The following GCC2 variants were observed in gnomAD, a reference collection of about 807,000 sequenced individuals.
The protein encoded by GCC2 is GRIP and coiled-coil domain containing 2.
In GCC2, 120 loss-of-function variants were observed where a neutral mutation model predicts 210.6. The observed-to-expected ratio is 0.57, with a 90% CI of 0.49 to 0.66. GCC2 has a LOEUF of 0.66. Ranked by LOEUF, GCC2 falls within the 30% of genes least tolerant of loss-of-function variation. The pLI, the probability that GCC2 is intolerant of heterozygous loss-of-function variation, is 0.00. For missense variants in GCC2, 1,868 were observed against 1,871.9 expected (o/e 1.00, Z 0.04); for synonymous variants, 703 against 652.7 (o/e 1.08, Z -1.17).
intron 12 of GCC2, 35 bp downstream of exon 12, chr2:108,483,201 T>C (rs751238341): frequency 7.0e-6 from 7 of 994,724 alleles, no homozygotes; most frequent in African/African-American, 4.8e-5. Context: ...ATTGATGTAA[T>C]ATTCACATTG....
chr2:108,478,116 T>G lies in GCC2; in HGVS notation c.3060+2266T>G, dbSNP rs1013901019. ...GAAGAAATTAATAGATTATAGGGTCTCTTAAAATGTAAAGAAGCAAGTTCC... is the reference window on the plus strand; with the variant it reads ...GAAGAAATTAATAGATTATAGGGTCGCTTAAAATGTAAAGAAGCAAGTTCC... On this transcript the variant is annotated intron_variant, in intron 9 of 22. Coordinates refer to ENST00000309863, the MANE Select transcript of GCC2 (RefSeq NM_181453.4). Among the ~76,000 whole-genome samples the G allele has an allele frequency of 9.2e-5, 14 of 152,324 alleles. No homozygotes were observed. The South Asian group carries it at 2.9e-3, about 32-fold the overall frequency.
chr2:108,482,341 C>T lies in GCC2; in HGVS notation c.3235C>T (p.Gln1079Ter). The change falls in exon 11 of 23, where the codon CAG becomes TAG. Residue 1079 changes from glutamine to a stop codon, truncating the protein, a stop_gained. Transcript: ENST00000309863. LOFTEE classifies it high-confidence loss of function. ...TCTCCTGGCTCGTATTGAGACATTA[C>T]AGTCTAATGCCAAATTATTAGAAGT... ...EDLLARIETL[Q>*]SNAKLLEVQI... is the part of the protein sequence containing the mutation. 6.3e-7 allele frequency: 1 copy of T among 1,576,770 alleles called. No individual in the cohort carries two copies. The highest frequency in any genetic ancestry group is 8.7e-7 in the Non-Finnish European group (1 of 1,147,040).
chr2:108,472,016 A>G lies in GCC2; in HGVS notation c.2687A>G (p.Asn896Ser). 4 of 1,596,540 alleles carry G rather than the reference A, an allele frequency of 2.5e-6. No individual in the cohort carries two copies. Among genetic ancestry groups the G allele is most frequent in the Non-Finnish European group, 2.6e-6 (3 of 1,174,680 alleles). ...ACATGTAGCAAAAGTGAAATCCATA[A>G]TGAAAAAGAAAAATGTTTTATAAAG... ...SQTCSKSEIH[N>S]EKEKCFIKEH... The change falls in exon 6 of 23, where the codon AAT (asparagine) becomes AGT (serine). Residue 896 changes from asparagine (N) to serine (S), a missense_variant. Physicochemically the swap from Asn to Ser is conservative, Grantham distance 46 (BLOSUM62 1). Coordinates refer to ENST00000309863, the MANE Select transcript of GCC2 (RefSeq NM_181453.4).
At chr2:108,494,616 A>C (rs2104502250) in intron 19 of GCC2, 1 of 152,314 alleles carries the variant, frequency 6.6e-6, no homozygotes, top group African/African-American at 2.4e-5. Context: ...CCTAATCCTG[A>C]AAAATTGCTA....
At chr2:108,450,125 G>A (rs774945522) in intron 2 of GCC2, 50 of 156,144 alleles carry the variant, frequency 3.2e-4, no homozygotes, top group Non-Finnish European at 6.1e-4. Context: ...TTATTGCTAA[G>A]GTTTATTGTG....
At chr2:108,480,298 C>A (rs1681783311) in intron 9 of GCC2, among the ~76,000 whole-genome samples, 1 of 152,182 alleles carries the variant, frequency 6.6e-6, no homozygotes, top group Non-Finnish European at 1.5e-5. Context: ...GGAACACTTA[C>A]ACTTTTGGTG....
At position 108,470,774 on chromosome 2, in the gene GCC2, GTT is replaced by G. The variant is rs779888794; in HGVS notation, c.1447_1448del (p.Leu483ThrfsTer32). 1 of 1,613,766 alleles carries G rather than the reference GTT, an allele frequency of 6.2e-7. No homozygotes were observed. The highest frequency in any genetic ancestry group is 8.5e-7 in the Non-Finnish European group (1 of 1,179,878). On this transcript the variant is annotated frameshift_variant, in exon 6 of 23. Coordinates refer to ENST00000309863, the MANE Select transcript of GCC2 (RefSeq NM_181453.4). LOFTEE classifies it high-confidence loss of function. ...CAAGAAGCAATTTTAAATTATGAGAGTTTACGAGAGATTATGGAAATTTTACA... is the reference window on the plus strand; with the variant it reads ...CAAGAAGCAATTTTAAATTATGAGAGTACGAGAGATTATGGAAATTTTACA...
chr2:108,451,319 T>C (rs1679932423), intron 3 of GCC2, among the ~76,000 whole-genome samples: 1 of 152,226 alleles, frequency 6.6e-6, no homozygotes, highest in Non-Finnish European at 1.5e-5. Context: ...ACAGTGACTT[T>C]TGAGTTGTTA....
chr2:108,497,100 G>A lies in GCC2; in HGVS notation c.4773G>A (p.Glu1591=), dbSNP rs745773198. ...ETEATNAILM[E]QIKLLKSEIR... is the part of the protein sequence containing the mutation. ...AAGCAACCAATGCAATTCTTATGGA[G>A]CAAATTAAGGTGAGATCAGAAAACC... The change falls in exon 21 of 23, where the codon GAG becomes GAA. Residue 1591 remains glutamate (E), a synonymous_variant. Coordinates refer to ENST00000309863, the MANE Select transcript of GCC2 (RefSeq NM_181453.4). The A allele has an allele frequency of 1.9e-6, 3 of 1,612,000 alleles. No individual in the cohort carries two copies. The South Asian group carries it at 3.3e-5, about 18-fold the overall frequency.
In GCC2 at chr2:108,509,295, T is replaced by G. The variant is rs563179808; in HGVS notation, c.*1665T>G. 7 of 152,770 alleles carry G rather than the reference T, an allele frequency of 4.6e-5. No homozygotes were observed. In the East Asian group the frequency reaches 9.6e-4, roughly 21 times the overall value. 9.5% of individuals were successfully genotyped at this position (152,770 alleles called of 1,614,324 possible). On this transcript the variant is annotated 3_prime_UTR_variant, in exon 23 of 23. Transcript: ENST00000309863. Reference sequence around the variant, plus strand: ...CATAACAAAATAATTTTTTGCATGATAAAAAATTACTTTGATTACAAAAGG... The same window carrying G: ...CATAACAAAATAATTTTTTGCATGAGAAAAAATTACTTTGATTACAAAAGG...
At chr2:108,449,557 T>A (rs1558722475) in intron 1 of GCC2, 76 bp from the exon 2 acceptor site, 3 of 1,441,056 alleles carry the variant, frequency 2.1e-6, no homozygotes, top group South Asian at 2.3e-5. Flanking sequence ...GGTTTTTCCC[T>A]GTAAGGGTTC....
chr2:108,481,682 C>A lies in GCC2; in HGVS notation c.3061-15C>A. On this transcript the variant is annotated splice_polypyrimidine_tract_variant and intron_variant, in intron 9 of 22. Transcript: ENST00000309863. ...CAAAATTATATACCAAAGTTAAATCCTTCTTTTATTGAAGAATCTTTTATT... is the reference window on the plus strand; with the variant it reads ...CAAAATTATATACCAAAGTTAAATCATTCTTTTATTGAAGAATCTTTTATT... The A allele has an allele frequency of 6.4e-7, 1 of 1,572,164 alleles. No individual in the cohort carries two copies. The highest frequency in any genetic ancestry group is 8.6e-7 in the Non-Finnish European group (1 of 1,162,374).
intron 7 of GCC2, 39 bp downstream of exon 7, chr2:108,472,938 A>G (rs767222810): frequency 8.6e-7 from 1 of 1,161,770 alleles, no homozygotes; most frequent in Non-Finnish European, 1.3e-6. Context: ...AATTAATTAG[A>G]CAGATTCTTC....
In GCC2 at chr2:108,475,649, A is replaced by C. The variant is rs375962012; in HGVS notation, c.2961+14A>C. 3 of 1,505,862 alleles carry C rather than the reference A, an allele frequency of 2.0e-6. No homozygotes were observed. Among genetic ancestry groups the C allele is most frequent in the Non-Finnish European group, 1.8e-6 (2 of 1,107,934 alleles). The allele number at this position is 1,505,862 out of a possible 1,614,324, so 93.3% of individuals were successfully genotyped here. ...AGCAGAAAAGAGGTGAGCTGACTTTAAAAATGTAAGATTCCGGAATCTCAC... is the reference window on the plus strand; with the variant it reads ...AGCAGAAAAGAGGTGAGCTGACTTTCAAAATGTAAGATTCCGGAATCTCAC... On this transcript the variant is annotated intron_variant, in intron 8 of 22. Coordinates refer to ENST00000309863, the MANE Select transcript of GCC2 (RefSeq NM_181453.4).
At chr2:108,486,417 T>G (rs1285199148) in intron 15 of GCC2, 94 bp from the exon 16 acceptor site, 1 of 1,177,788 alleles carries the variant, frequency 8.5e-7, no homozygotes, top group Non-Finnish European at 1.3e-6. Context: ...TATATGTACT[T>G]ATGTCTCAAA....
chr2:108,470,423 TTGAAA>T lies in GCC2; in HGVS notation c.1097_1101del (p.Glu366GlyfsTer8). On this transcript the variant is annotated frameshift_variant, in exon 6 of 23. Coordinates refer to ENST00000309863, the MANE Select transcript of GCC2 (RefSeq NM_181453.4). LOFTEE classifies it high-confidence loss of function. The stretch of plus-strand genomic sequence containing the variant: ...TATATGAATAATCTTAAGTTAAAAC[TTGAAA>T]TGGATGCTCAACATATAAAGGATGA... 1 of 1,607,392 alleles carries T rather than the reference TTGAAA, an allele frequency of 6.2e-7. No homozygotes were observed. Among genetic ancestry groups the T allele is most frequent in the Non-Finnish European group, 8.5e-7 (1 of 1,174,662 alleles).
At chr2:108,487,608 A>C in intron 16 of GCC2, 91 bp from the exon 17 acceptor site, 1 of 1,215,654 alleles carries the variant, frequency 8.2e-7, no homozygotes, top group Non-Finnish European at 1.1e-6. Flanking sequence ...ATTTTCAAAA[A>C]CAGGTTTTTA....
chr2:108,485,177 G>C (rs545045110), intron 13 of GCC2, among the ~76,000 whole-genome samples: 14 of 151,476 alleles, frequency 9.2e-5, no homozygotes, highest in South Asian at 2.1e-4. Flanking sequence ...GTGGTGGGGT[G>C]GGGGGAGTGG....
In GCC2 at chr2:108,470,490, T is replaced by C; in HGVS notation, c.1161T>C (p.Ile387=). 2 of 1,609,784 alleles carry C rather than the reference T, an allele frequency of 1.2e-6. No individual in the cohort carries two copies. The highest frequency in any genetic ancestry group is 1.7e-6 in the Non-Finnish European group (2 of 1,177,066). The change falls in exon 6 of 23, where the codon ATT becomes ATC. Residue 387 remains isoleucine, a synonymous_variant. Transcript: ENST00000309863. ...FHEREDLEFK[I]NELLLAKEEQ... is the part of the protein sequence containing the mutation. ...AACGGGAAGACTTAGAGTTTAAAAT[T>C]AATGAATTATTACTAGCTAAAGAAG...
Sources: gnomAD v4.1 joint callset for allele counts (sites outside exome capture counted in the v4.1 genomes callset) on GRCh38, gnomAD v4.1.1 for gene constraint, MANE v1.5 for transcripts, NCBI Gene and HGNC (gene_info 2026-07-23, HGNC 2026-07-21) for gene names.